The following USP25 variants were observed in gnomAD, a reference collection of about 807,000 sequenced individuals.
USP25 encodes the protein ubiquitin specific peptidase 25.
A neutral mutation model predicts 158.5 loss-of-function variants in USP25; 85 were observed. The observed-to-expected ratio is 0.54, with a 90% CI of 0.45 to 0.64. USP25 has a LOEUF of 0.64. Among genes scored for constraint, USP25 ranks in the 30% least tolerant of loss-of-function variants. USP25 has a pLI of 0.00. For synonymous variants in USP25, 464 were observed against 460.4 expected (o/e 1.01, Z -0.10); for missense variants, 1,242 against 1,327.3 (o/e 0.94, Z 1.00).
At chr21:15,849,997 C>G (rs1448122140) in intron 20 of USP25, 125 bp downstream of exon 20, 1 of 642,096 alleles carries the variant, frequency 1.6e-6, no homozygotes, top group Non-Finnish European at 2.5e-6. Flanking sequence ...TAGTTATGGC[C>G]ACCGGATATC....
intron 4 of USP25, among the ~76,000 whole-genome samples, chr21:15,785,057 G>T (rs781764131): frequency 6.6e-6 from 1 of 150,422 alleles, no homozygotes; most frequent in Non-Finnish European, 1.5e-5. Flanking sequence ...GTGAAGGAAT[G>T]GACAAAGATA....
intron 5 of USP25, chr21:15,799,406 A>G (rs1484573563): frequency 6.3e-6 from 1 of 159,770 alleles, no homozygotes; most frequent in Non-Finnish European, 1.4e-5. Flanking sequence ...TGATACATCT[A>G]GATAATTCAT....
intron 10 of USP25, among the ~76,000 whole-genome samples, chr21:15,820,712 CAGTA>C (rs1775709186): frequency 6.6e-6 from 1 of 151,918 alleles, no homozygotes; most frequent in Non-Finnish European, 1.5e-5. Context: ...CTCTAAAAGC[CAGTA>C]AGTAACATTA....
chr21:15,841,939 A>G (rs922533992), intron 17 of USP25, among the ~76,000 whole-genome samples: 6 of 152,168 alleles, frequency 3.9e-5, no homozygotes, highest in Non-Finnish European at 7.3e-5. Context: ...CTACTGGGGC[A>G]AGTACAGAAA....
chr21:15,780,415 G>A (rs977547103), intron 4 of USP25, among the ~76,000 whole-genome samples: 3 of 152,206 alleles, frequency 2.0e-5, no homozygotes, highest in African/African-American at 7.2e-5. Context: ...CAGGACACAA[G>A]TGGAGTATGG....
Position 15,791,582 on chromosome 21 carries a change from C to CT in USP25, c.475dup (p.Tyr159LeufsTer2). On this transcript the variant is annotated frameshift_variant, in exon 5 of 26. Coordinates refer to ENST00000400183, the MANE Select transcript of USP25 (RefSeq NM_001283041.3). LOFTEE classifies it high-confidence loss of function. ...GAAGTTTGGAGGGATTCTCGAAACC[C>CT]TTATGATAGAAAAAGACAGGACAAA... is the stretch of plus-strand genomic sequence containing the variant. 6.2e-7 allele frequency: 1 copy of CT among 1,611,628 alleles called. No homozygotes were observed. The highest frequency in any genetic ancestry group is 8.5e-7 in the Non-Finnish European group (1 of 1,178,410).
intron 1 of USP25, among the ~76,000 whole-genome samples, chr21:15,734,504 A>G (rs1203059683): frequency 3.9e-5 from 6 of 152,060 alleles, no homozygotes; most frequent in Non-Finnish European, 8.8e-5. Context: ...TCCTTTTCAC[A>G]CCTACTTTTG....
chr21:15,730,228 C>G lies in USP25; in HGVS notation c.-166C>G, dbSNP rs1304005633. The G allele has an allele frequency of 2.7e-6, 2 of 745,328 alleles. No homozygotes were observed. Among genetic ancestry groups the G allele is most frequent in the African/African-American group, 3.8e-5 (2 of 52,072 alleles). 46.2% of individuals were successfully genotyped at this position (745,328 alleles called of 1,614,324 possible). A position where few individuals can be genotyped will look rare whatever the true frequency, so the allele number is the denominator to read the frequency against. ...CGTTTCGCCGCCTGCCCGCGGTGCCCGCGCACGCCGGCCGCCATCGCCTTC... is the reference window on the plus strand; with the variant it reads ...CGTTTCGCCGCCTGCCCGCGGTGCCGGCGCACGCCGGCCGCCATCGCCTTC... On this transcript the variant is annotated 5_prime_UTR_variant, in exon 1 of 26. Transcript: ENST00000400183.
intron 2 of USP25, among the ~76,000 whole-genome samples, chr21:15,764,857 G>A (rs2123419326): frequency 6.6e-6 from 1 of 152,108 alleles, no homozygotes; most frequent in East Asian, 1.9e-4. Context: ...TACTCCTTTT[G>A]TCACTGACTG....
intron 1 of USP25, among the ~76,000 whole-genome samples, chr21:15,732,699 A>G (rs576790839): frequency 3.9e-5 from 6 of 152,260 alleles, no homozygotes; most frequent in Admixed American, 6.5e-5. Context: ...CTATTTAGCT[A>G]TATTATTTTC....
At position 15,788,191 on chromosome 21, in the gene USP25, C is replaced by T. The variant is rs117060722; in HGVS notation, c.393-3311C>T. 2.3e-3 allele frequency among the ~76,000 whole-genome samples: 348 copies of T among 151,622 alleles called. 4 individuals carry two copies. The East Asian group carries it at 0.061, about 26-fold the overall frequency. On this transcript the variant is annotated intron_variant, in intron 4 of 25. Transcript: ENST00000400183. ...GCCTTTTTTTTTTCTCCTCTACCAG[C>T]TGGTAATACCTGGATTTTAGCCACT...
intron 20 of USP25, among the ~76,000 whole-genome samples, chr21:15,855,260 A>G (rs1350768424): frequency 3.3e-5 from 5 of 152,054 alleles, no homozygotes; most frequent in African/African-American, 1.2e-4. Flanking sequence ...TAGTTGTTTC[A>G]TTGCTTCATA....
At chr21:15,856,159 TGCTA>T (rs2039128001) in intron 20 of USP25, among the ~76,000 whole-genome samples, 1 of 152,234 alleles carries the variant, frequency 6.6e-6, no homozygotes, top group Non-Finnish European at 1.5e-5. Flanking sequence ...CCTCATTTTC[TGCTA>T]GGGAAAGAAA....
intron 4 of USP25, among the ~76,000 whole-genome samples, chr21:15,789,638 ATCTC>A (rs2035483726): frequency 1.3e-5 from 2 of 152,034 alleles, no homozygotes; most frequent in South Asian, 4.2e-4. Flanking sequence ...TACCTCTTCT[ATCTC>A]TTATATAGGA....
In USP25 at chr21:15,730,322, G is replaced by A. The variant is rs2030657443; in HGVS notation, c.-72G>A. 9.5e-7 allele frequency: 1 copy of A among 1,049,656 alleles called. No individual in the cohort carries two copies. Among genetic ancestry groups the A allele is most frequent in the Non-Finnish European group, 1.1e-6 (1 of 872,876 alleles). The allele number at this position is 1,049,656 out of a possible 1,614,324, so 65.0% of individuals were successfully genotyped here. A position where few individuals can be genotyped will look rare whatever the true frequency, so the allele number is the denominator to read the frequency against. ...CGCTCCCTGGAGCTCGGCGGAGCGC[G>A]GCAGCCAGGGCCGGCGGAGGCGCGA... On this transcript the variant is annotated 5_prime_UTR_variant, in exon 1 of 26. Coordinates refer to ENST00000400183, the MANE Select transcript of USP25 (RefSeq NM_001283041.3).
intron 24 of USP25, chr21:15,877,017 C>CTATG (rs2040125138): frequency 6.6e-6 from 1 of 152,194 alleles, no homozygotes; most frequent in Non-Finnish European, 1.5e-5. Flanking sequence ...GATCAGCACA[C>CTATG]TATGGCTTGT....
chr21:15,849,491 A>C lies in USP25; in HGVS notation c.2452-286A>C, dbSNP rs536981271. Among the ~76,000 whole-genome samples, 41 of 152,280 alleles carry C rather than the reference A, an allele frequency of 2.7e-4. 1 individual carries two copies. In the South Asian group the frequency reaches 7.9e-3, roughly 29 times the overall value. ...TTTTTCTAAATAGTTCACTCAGAGG[A>C]TAGCACATTTTTCTAATTTGTTTGT... On this transcript the variant is annotated intron_variant, in intron 19 of 25. Transcript: ENST00000400183.
At chr21:15,808,992 A>G (rs1179598358) in intron 8 of USP25, 107 bp downstream of exon 8, 18 of 793,056 alleles carry the variant, frequency 2.3e-5, no homozygotes, top group Non-Finnish European at 3.0e-5. Context: ...TGGGAATCCC[A>G]GTATTTTCTG....
At chr21:15,759,871 ATAATT>A (rs2033622749) in intron 1 of USP25, among the ~76,000 whole-genome samples, 1 of 152,188 alleles carries the variant, frequency 6.6e-6, no homozygotes, top group Non-Finnish European at 1.5e-5. Flanking sequence ...AGGTTTAAAG[ATAATT>A]TTATTTTTCT....
Sources: allele counts gnomAD v4.1 joint callset (sites outside exome capture counted in the v4.1 genomes callset), GRCh38; gene constraint gnomAD v4.1.1; transcripts MANE v1.5; gene names NCBI Gene and HGNC (gene_info 2026-07-23, HGNC 2026-07-21).